The following ITGB3 variants were observed in gnomAD, a reference collection of about 807,000 sequenced individuals.
ITGB3 encodes integrin subunit beta 3.
A neutral mutation model predicts 85.8 loss-of-function variants in ITGB3; 48 were observed. That is an observed-to-expected ratio of 0.56 (90% confidence interval 0.44 to 0.71). The LOEUF is 0.71. ITGB3 is among the 30% of genes least tolerant of loss of function. The pLI, the probability that ITGB3 is intolerant of heterozygous loss-of-function variation, is 0.00. For missense variants in ITGB3, 861 were observed against 1,019.1 expected (o/e 0.84, Z 2.11); for synonymous variants, 363 against 395.6 (o/e 0.92, Z 0.98).
intron 13 of ITGB3, among the ~76,000 whole-genome samples, chr17:47,304,846 G>C (rs544224277): frequency 1.3e-5 from 2 of 152,306 alleles, no homozygotes; most frequent in East Asian, 3.9e-4. Context: ...GACTTCAAGT[G>C]ATCTGGCTGC....
chr17:47,299,746 C>T lies in ITGB3; in HGVS notation c.1913+216C>T, dbSNP rs139603048. 6.6e-6 allele frequency among the ~76,000 whole-genome samples: 1 copy of T among 152,314 alleles called. No homozygotes were observed. Among genetic ancestry groups the T allele is most frequent in the East Asian group, 1.9e-4 (1 of 5,190 alleles). ...AGCCAAAGTTGAACGAGCTGGACTT[C>T]GATTGAGAATGTCCTCTCCTAGGGT... On this transcript the variant is annotated intron_variant, in intron 11 of 14. Transcript: ENST00000559488. This position sits in a 1 kb window ranked among gnomAD's most constrained non-coding sequence, Gnocchi z 5.1.
chr17:47,254,152 G>T (rs931422402), intron 1 of ITGB3, among the ~76,000 whole-genome samples: 1 of 152,108 alleles, frequency 6.6e-6, no homozygotes, highest in African/African-American at 2.4e-5. Context: ...GCCTGGGAGC[G>T]GGTCCTCCGA....
chr17:47,300,149 G>A (rs1032602908), intron 11 of ITGB3, among the ~76,000 whole-genome samples: 4 of 152,182 alleles, frequency 2.6e-5, no homozygotes, highest in African/African-American at 4.8e-5. Flanking sequence ...GACATGACTG[G>A]TTCTGACTTT....
chr17:47,254,573 G>A (rs972920274), intron 1 of ITGB3, among the ~76,000 whole-genome samples: 10 of 152,188 alleles, frequency 6.6e-5, no homozygotes, highest in Admixed American at 6.5e-5. Flanking sequence ...CCAGGTGGCA[G>A]CGGTGCCTCT....
At chr17:47,261,645 G>A (rs1420057794) in intron 1 of ITGB3, among the ~76,000 whole-genome samples, 1 of 151,428 alleles carries the variant, frequency 6.6e-6, no homozygotes, top group Non-Finnish European at 1.5e-5. Flanking sequence ...TCAGATTCCC[G>A]AGTAGCTGGG....
At position 47,312,538 on chromosome 17, in the gene ITGB3, A is replaced by G. The variant is rs1046808623; in HGVS notation, c.*2334A>G. On this transcript the variant is annotated 3_prime_UTR_variant, in exon 15 of 15. Coordinates refer to ENST00000559488, the MANE Select transcript of ITGB3 (RefSeq NM_000212.3). ...GTGGTGGCTCACGCCTGTGATTATA[A>G]TCTTCAGTTACTAAGACAGAGTCCA... Among the ~76,000 whole-genome samples, 2 of 152,214 alleles carry G rather than the reference A, an allele frequency of 1.3e-5. No individual in the cohort carries two copies. Among genetic ancestry groups the G allele is most frequent in the African/African-American group, 4.8e-5 (2 of 41,454 alleles).
intron 8 of ITGB3, 131 bp from the exon 9 acceptor site, chr17:47,290,823 C>G (rs973105771): frequency 9.5e-7 from 1 of 1,050,168 alleles, no homozygotes; most frequent in Non-Finnish European, 1.5e-6. Flanking sequence ...CAGGTCAAAC[C>G]TTGGCCTCTG....
rs373615025 is a variant in ITGB3, at chr17:47,290,229, C to A, written c.1080C>A (p.Ser360=). ...CAGGGACCACAGTTGGGGTTCTGTC[C>A]ATGGATTCCAGCAATGTCCTCCAGC... is the stretch of plus-strand genomic sequence containing the variant. ...LIPGTTVGVL[S]MDSSNVLQLI... is the part of the protein sequence containing the mutation. Residue 360 remains serine, a synonymous_variant, in exon 8 of 15, where the codon TCC becomes TCA. Transcript: ENST00000559488. 63 of 1,614,096 alleles carry A rather than the reference C, an allele frequency of 3.9e-5. 1 individual carries two copies. The African/African-American group carries it at 4.5e-4, about 12-fold the overall frequency.
chr17:47,292,085 T>C, intron 9 of ITGB3, 54 bp from the exon 10 acceptor site: 1 of 1,582,594 alleles, frequency 6.3e-7, no homozygotes, highest in Non-Finnish European at 8.7e-7. Context: ...CCTCCAGAGC[T>C]GGAGTGTTAA....
rs752586385 is a variant in ITGB3, at chr17:47,289,783, G to A, written c.1035+7G>A. On this transcript the variant is annotated splice_region_variant and intron_variant, in intron 7 of 14. Transcript: ENST00000559488. ...TGTAGTCAATCTCTATCAGGTGACTGTGCCTTCGGGCTTCCTGGAGTGGGC... is the reference window on the plus strand; with the variant it reads ...TGTAGTCAATCTCTATCAGGTGACTATGCCTTCGGGCTTCCTGGAGTGGGC... The A allele has an allele frequency of 6.2e-6, 10 of 1,606,030 alleles. No homozygotes were observed. The highest frequency in any genetic ancestry group is 7.7e-6 in the Non-Finnish European group (9 of 1,172,704).
At position 47,287,212 on chromosome 17, in the gene ITGB3, ACTCTGC is replaced by A; in HGVS notation, c.924_929del (p.Ala309_Ser310del). 1 of 1,613,846 alleles carries A rather than the reference ACTCTGC, an allele frequency of 6.2e-7. No individual in the cohort carries two copies. The highest frequency in any genetic ancestry group is 1.1e-5 in the South Asian group (1 of 91,066). The stretch of plus-strand genomic sequence containing the variant: ...TGTCATGTTGGTAGTGACAATCATT[ACTCTGC>A]CTCCACTACCATGGTGAGATCTCTG... On this transcript the variant is annotated inframe_deletion, in exon 6 of 15. Transcript: ENST00000559488.
intron 10 of ITGB3, among the ~76,000 whole-genome samples, chr17:47,296,426 A>T (rs1470292987): frequency 6.6e-6 from 1 of 151,932 alleles, no homozygotes; most frequent in African/African-American, 2.4e-5. Context: ...TAGAGACGGG[A>T]TCTCGCTATG....
chr17:47,301,357 A>G (rs978726867), intron 12 of ITGB3, among the ~76,000 whole-genome samples: 1 of 152,232 alleles, frequency 6.6e-6, no homozygotes, highest in African/African-American at 2.4e-5. Context: ...AGAGAGCCAC[A>G]GTAAGACACA....
intron 2 of ITGB3, among the ~76,000 whole-genome samples, chr17:47,281,456 A>G (rs2065083544): frequency 1.3e-5 from 2 of 152,182 alleles, no homozygotes; most frequent in South Asian, 4.1e-4. Context: ...GGCCTTGTTG[A>G]ACAGGTGAGG....
At chr17:47,283,802 T>C (rs1376669824) in intron 3 of ITGB3, among the ~76,000 whole-genome samples, 1 of 152,220 alleles carries the variant, frequency 6.6e-6, no homozygotes, top group East Asian at 1.9e-4. Flanking sequence ...ACTTAACCCT[T>C]CAGACATAGT....
In ITGB3 at chr17:47,299,171, G is replaced by C. The variant is rs1403014696; in HGVS notation, c.1691-137G>C. The C allele has an allele frequency of 1.2e-6, 1 of 829,024 alleles. No homozygotes were observed. The allele number at this position is 829,024 out of a possible 1,614,324, so 51.4% of individuals were successfully genotyped here. ...TCCCTGCTGGGTAGGACTCCCCTGG[G>C]TGGTGAGCCAATTCCCTGCCAACCT... On this transcript the variant is annotated intron_variant, in intron 10 of 14. Transcript: ENST00000559488. The surrounding 1 kb of genome is among the most constrained non-coding windows in gnomAD (Gnocchi z 5.1).
At chr17:47,304,675 T>G (rs1312437449) in intron 13 of ITGB3, among the ~76,000 whole-genome samples, 2 of 152,320 alleles carry the variant, frequency 1.3e-5, no homozygotes, top group East Asian at 3.9e-4. Context: ...CGGCGTGATC[T>G]TGGCTCACTG....
At chr17:47,305,373 T>C (rs1413438960) in intron 13 of ITGB3, 2 of 152,422 alleles carry the variant, frequency 1.3e-5, no homozygotes, top group East Asian at 3.8e-4. Context: ...GTGTGTGTGG[T>C]GAGCATTGGG....
chr17:47,309,473 T>C (rs1238120050), intron 14 of ITGB3, among the ~76,000 whole-genome samples: 1 of 152,110 alleles, frequency 6.6e-6, no homozygotes, highest in African/African-American at 2.4e-5. Context: ...CTCCTATCAC[T>C]GTCACAGGGA....
Sources: gnomAD v4.1 joint callset for allele counts (sites outside exome capture counted in the v4.1 genomes callset) on GRCh38, gnomAD v4.1.1 for gene constraint, Gnocchi (gnomAD v3.1) non-coding constraint, MANE v1.5 for transcripts, NCBI Gene and HGNC (gene_info 2026-07-23, HGNC 2026-07-21) for gene names.